The following PKP4 variants were observed in gnomAD, a reference collection of about 807,000 sequenced individuals.
PKP4 encodes plakophilin 4, also known as plakophilin-4.
Under a neutral mutation model 145.1 loss-of-function variants are expected in PKP4, and 90 were observed. The observed-to-expected ratio is 0.62, with a 90% CI of 0.52 to 0.74. PKP4 has a LOEUF of 0.74. PKP4 is among the 30% of genes least tolerant of loss of function. The pLI is 0.00. For synonymous variants in PKP4, 563 were observed against 577.2 expected, an observed-to-expected ratio of 0.98 and a Z score of 0.35; for missense variants, 1,340 against 1,482.7, an observed-to-expected ratio of 0.90 and a Z score of 1.58.
intron 2 of PKP4, among the ~76,000 whole-genome samples, chr2:158,550,617 C>T (rs2045540301): frequency 6.6e-6 from 1 of 152,192 alleles, no homozygotes; most frequent in Non-Finnish European, 1.5e-5. Flanking sequence ...TAATGTAAGA[C>T]ACTGTCTGTT....
chr2:158,551,917 C>G (rs1470492283), intron 2 of PKP4, among the ~76,000 whole-genome samples: 1 of 152,144 alleles, frequency 6.6e-6, no homozygotes, highest in Admixed American at 6.5e-5. Context: ...TGCTGTCTCT[C>G]TAAACTGATT....
intron 1 of PKP4, among the ~76,000 whole-genome samples, chr2:158,474,471 G>A (rs1263872707): frequency 2.0e-5 from 3 of 152,066 alleles, no homozygotes; most frequent in Admixed American, 1.3e-4. Flanking sequence ...GAATTACATC[G>A]GAAGTGTCAA....
chr2:158,534,849 A>C (rs928313077), intron 2 of PKP4, among the ~76,000 whole-genome samples: 11 of 152,298 alleles, frequency 7.2e-5, no homozygotes, highest in African/African-American at 2.4e-4. Context: ...CTGAATAAGT[A>C]TTTTGTGGGA....
rs1167128229 is a variant in PKP4, at chr2:158,576,106, G to A, written c.133-1165G>A. Among the ~76,000 whole-genome samples the A allele has an allele frequency of 3.3e-5, 5 of 152,302 alleles. No homozygotes were observed. In the East Asian group the frequency reaches 9.6e-4, roughly 29 times the overall value. On this transcript the variant is annotated intron_variant, in intron 2 of 21. Transcript: ENST00000389759. ...ATTCTCAGTATCAGAAGATGGTAAGGAGTTTAGGGACTGTTTCTTAAAAAT... is the reference window on the plus strand; with the variant it reads ...ATTCTCAGTATCAGAAGATGGTAAGAAGTTTAGGGACTGTTTCTTAAAAAT...
rs771730092 is a variant in PKP4, at chr2:158,634,069, G to A, written c.1343-1G>A. ...TCTTTTTCAAAATGTTGACTTTCTA[G>A]TAGGTATTGGAAATCTACAAAGGAC... On this transcript the variant is annotated splice_acceptor_variant, in intron 8 of 21. Coordinates refer to ENST00000389759, the MANE Select transcript of PKP4 (RefSeq NM_003628.6). LOFTEE classifies it high-confidence loss of function. 6.4e-7 allele frequency: 1 copy of A among 1,555,894 alleles called. No homozygotes were observed. Among genetic ancestry groups the A allele is most frequent in the Non-Finnish European group, 8.9e-7 (1 of 1,127,128 alleles).
chr2:158,629,741 G>C (rs7600856), intron 7 of PKP4, among the ~76,000 whole-genome samples: 107,973 of 151,458 alleles, frequency 0.71, 39,924 homozygotes, highest in East Asian at 0.92. Flanking sequence ...GACAGACTCT[G>C]TCTCTGTTGC....
chr2:158,642,726 A>G, intron 11 of PKP4, 27 bp downstream of exon 11: 2 of 1,524,844 alleles, frequency 1.3e-6, no homozygotes, highest in South Asian at 2.5e-5. Context: ...ATCTCGTCCT[A>G]GAGGAAATGT....
chr2:158,526,651 A>C (rs1347996045), intron 1 of PKP4, among the ~76,000 whole-genome samples: 1 of 96,492 alleles, frequency 1.0e-5, no homozygotes, highest in Non-Finnish European at 2.0e-5. Context: ...CAGGCAGGAG[A>C]AGGAAATAAA....
chr2:158,529,883 T>C (rs991682724), intron 1 of PKP4, among the ~76,000 whole-genome samples: 10 of 152,208 alleles, frequency 6.6e-5, no homozygotes, highest in South Asian at 2.1e-4. Flanking sequence ...TTCTTAGTCA[T>C]TGAAGAACTT....
intron 2 of PKP4, among the ~76,000 whole-genome samples, chr2:158,534,133 TG>T (rs768281293): frequency 4.6e-5 from 7 of 152,174 alleles, no homozygotes; most frequent in Non-Finnish European, 1.0e-4. Flanking sequence ...AGCCACTAGA[TG>T]TTTTTTTCTC....
intron 9 of PKP4, among the ~76,000 whole-genome samples, chr2:158,640,037 C>T (rs2054142906): frequency 6.6e-6 from 1 of 152,136 alleles, no homozygotes; most frequent in Non-Finnish European, 1.5e-5. Context: ...TGCACATTTG[C>T]ACACATATAT....
At chr2:158,637,292 G>A (rs1408205201) in intron 9 of PKP4, among the ~76,000 whole-genome samples, 1 of 152,156 alleles carries the variant, frequency 6.6e-6, no homozygotes, top group Non-Finnish European at 1.5e-5. Context: ...TTCCCAAGGT[G>A]TTCAGTGAGG....
intron 1 of PKP4, among the ~76,000 whole-genome samples, chr2:158,532,948 A>G (rs999383766): frequency 7.2e-5 from 11 of 152,154 alleles, no homozygotes; most frequent in Non-Finnish European, 1.5e-4. Flanking sequence ...TGTGCATATT[A>G]CTTTGAAAAC....
intron 1 of PKP4, among the ~76,000 whole-genome samples, chr2:158,507,762 T>C (rs2041123820): frequency 6.6e-6 from 1 of 152,184 alleles, no homozygotes; most frequent in African/African-American, 2.4e-5. Context: ...TTGAGCAGTC[T>C]GATAAGAAGG....
chr2:158,667,621 C>T (rs896823608), intron 16 of PKP4, among the ~76,000 whole-genome samples: 2 of 152,214 alleles, frequency 1.3e-5, no homozygotes, highest in Non-Finnish European at 2.9e-5. Flanking sequence ...AAGGATTAAA[C>T]GTGATGACTT....
At position 158,456,959 on chromosome 2, in the gene PKP4, G is replaced by T; in HGVS notation, c.-265G>T. Reference sequence around the variant, plus strand: ...CGGCGGCGGCCTCTGGGCAGTAGAGGGGGCTCCGGGGCTGAGTCCGCGTCG... The same window carrying T: ...CGGCGGCGGCCTCTGGGCAGTAGAGTGGGCTCCGGGGCTGAGTCCGCGTCG... On this transcript the variant is annotated 5_prime_UTR_variant, in exon 1 of 22. Coordinates refer to ENST00000389759, the MANE Select transcript of PKP4 (RefSeq NM_003628.6). The T allele has an allele frequency of 6.6e-6, 1 of 152,516 alleles. No homozygotes were observed. Among genetic ancestry groups the T allele is most frequent in the South Asian group, 1.8e-4 (1 of 5,636 alleles). 9.4% of individuals were successfully genotyped at this position (152,516 alleles called of 1,614,324 possible). A position where few individuals can be genotyped will look rare whatever the true frequency, so the allele number is the denominator to read the frequency against.
At chr2:158,652,472 G>A (rs539620672) in intron 11 of PKP4, among the ~76,000 whole-genome samples, 1 of 152,318 alleles carries the variant, frequency 6.6e-6, no homozygotes, top group South Asian at 2.1e-4. Flanking sequence ...TTGGGCTAAG[G>A]GGAGAACTTC....
chr2:158,499,913 T>G (rs1322384353), intron 1 of PKP4, among the ~76,000 whole-genome samples: 2 of 152,224 alleles, frequency 1.3e-5, no homozygotes, highest in Non-Finnish European at 2.9e-5. Context: ...CTCTCCAGAC[T>G]TGTATTTGCA....
At chr2:158,597,684 T>A (rs1478479304) in intron 3 of PKP4, among the ~76,000 whole-genome samples, 1 of 152,224 alleles carries the variant, frequency 6.6e-6, no homozygotes, top group African/African-American at 2.4e-5. Flanking sequence ...ATTTGAGTTA[T>A]CCCTTCTAAT....
Sources: allele counts gnomAD v4.1 joint callset (sites outside exome capture counted in the v4.1 genomes callset), GRCh38; gene constraint gnomAD v4.1.1; transcripts MANE v1.5; gene names NCBI Gene and HGNC (gene_info 2026-07-23, HGNC 2026-07-21).